TOP1MT: variants seen among roughly 807,000 people sequenced by gnomAD.
TOP1MT encodes the protein DNA topoisomerase I, mitochondrial.
TOP1MT carries 80 observed loss-of-function variants against 73.9 expected under a neutral mutation model. That is an observed-to-expected ratio of 1.08 (90% CI 0.90 to 1.30). The LOEUF (loss-of-function observed/expected upper bound fraction) is 1.30, where lower values mean the gene tolerates loss of function less well. TOP1MT is among the 50% of genes most tolerant of loss of function. The pLI is 0.00. For synonymous variants in TOP1MT, 338 were observed against 326.4 expected (o/e 1.04, Z -0.38); for missense variants, 815 against 808.0 (o/e 1.01, Z -0.10).
Position 143,316,049 on chromosome 8 carries a change from G to A in TOP1MT, c.1408C>T (p.Arg470Ter), listed in dbSNP as rs200038590. 4.3e-5 allele frequency: 69 copies of A among 1,614,174 alleles called. No homozygotes were observed. The highest frequency in any genetic ancestry group is 2.0e-4 in the Admixed American group (12 of 60,028). Residue 470 changes from arginine (R) to a stop codon, truncating the protein, a stop_gained, in exon 11 of 14, where the codon CGA becomes TGA. Coordinates refer to ENST00000329245, the MANE Select transcript of TOP1MT (RefSeq NM_052963.3). LOFTEE classifies it high-confidence loss of function. ...TTCTCGAACGTACTGGGGGTTGCTC[G>A]CTGATGGTTGCAGAGAATGGCCACG... is the stretch of plus-strand genomic sequence containing the variant. ...RVVAILCNHQ[R>*]ATPSTFEKSM... is the part of the protein sequence containing the mutation.
chr8:143,359,512 G>T, upstream of TOP1MT: 1 of 844,106 alleles, frequency 1.2e-6, no homozygotes, highest in Non-Finnish European at 1.4e-6. Flanking sequence ...CAAGCAGAAA[G>T]TCAGGAGCCA....
At chr8:143,340,668 G>C (rs1360146887) in intron 2 of TOP1MT, among the ~76,000 whole-genome samples, 2 of 152,192 alleles carry the variant, frequency 1.3e-5, no homozygotes, top group African/African-American at 4.8e-5. Context: ...GCCCCGTCCA[G>C]CTCACTCCCA....
chr8:143,321,090 G>T, intron 8 of TOP1MT, 111 bp downstream of exon 8: 3 of 1,148,048 alleles, frequency 2.6e-6, no homozygotes, highest in Non-Finnish European at 3.7e-6. Flanking sequence ...TCACCCAGCA[G>T]GCAGGACGTG....
At chr8:143,345,686 C>T (rs1444014749), upstream of TOP1MT, among the ~76,000 whole-genome samples, 6 of 152,216 alleles carry the variant, frequency 3.9e-5, no homozygotes, top group Non-Finnish European at 7.3e-5. Context: ...GAATACATTA[C>T]ATAGTACCAG....
chr8:143,309,541 C>T lies in TOP1MT; in HGVS notation c.1706G>A (p.Cys569Tyr), dbSNP rs555135691. ...YLDPRISIAW[C>Y]KRFRVPVEKI... Reference sequence around the variant, plus strand: ...CTCCACTGGCACCCTGAACCGCTTGCACCTGCGGGAGGCAGCATCAGCCCA... The same window carrying T: ...CTCCACTGGCACCCTGAACCGCTTGTACCTGCGGGAGGCAGCATCAGCCCA... The change falls in exon 14 of 14, where the codon TGC becomes TAC. Residue 569 changes from cysteine (C) to tyrosine (Y), a missense_variant and splice_region_variant. Around this residue, in one of 3 missense-constraint regions of TOP1MT, gnomAD observed 751 missense variants for 725.4 expected, o/e 1.04. Transcript: ENST00000329245. 1.5e-5 allele frequency: 25 copies of T among 1,613,724 alleles called. No individual in the cohort carries two copies. In the South Asian group the frequency reaches 2.7e-4, roughly 18 times the overall value.
chr8:143,359,341 G>A, upstream of TOP1MT: 1 of 985,524 alleles, frequency 1.0e-6, no homozygotes, highest in Non-Finnish European at 1.2e-6. Flanking sequence ...AGAAGAGAAG[G>A]GCAGGGAAAA....
rs527824195 is a variant in TOP1MT, at chr8:143,333,316, C to T, written c.122+1424G>A. 1.8e-4 allele frequency among the ~76,000 whole-genome samples: 27 copies of T among 152,216 alleles called. No individual in the cohort carries two copies. In the South Asian group the frequency reaches 2.5e-3, roughly 14 times the overall value. On this transcript the variant is annotated intron_variant, in intron 1 of 13. Transcript: ENST00000329245. The stretch of plus-strand genomic sequence containing the variant: ...TACAAAAATTAGCTAGGCGTGGTGG[C>T]GGGTGCCTGTAATCCCAGCTACTCA...
chr8:143,320,365 C>T (rs556282581), intron 8 of TOP1MT, among the ~76,000 whole-genome samples: 15 of 152,194 alleles, frequency 9.9e-5, no homozygotes, highest in African/African-American at 3.1e-4. Context: ...CTCCTGACCT[C>T]GTGATCCACC....
intron 7 of TOP1MT, among the ~76,000 whole-genome samples, chr8:143,322,046 CCA>C (rs1395205540): frequency 5.2e-5 from 5 of 95,324 alleles, no homozygotes; most frequent in South Asian, 5.2e-4. Flanking sequence ...CAGATGCATG[CCA>C]CACACACAGG....
Position 143,341,049 on chromosome 8 carries a change from G to A in TOP1MT, c.29+2171C>T, listed in dbSNP as rs775457341. On this transcript the variant is annotated intron_variant, in intron 2 of 5. Coordinates refer to the TOP1MT transcript ENST00000518007. The surrounding 1 kb of genome is among the most constrained non-coding windows in gnomAD (Gnocchi z 4.1). ...CTCTGTCTATCCCACTGCCCAGAGC[G>A]CGCTCCTCCCCAGCTCCCACGGCGG... 2.6e-5 allele frequency among the ~76,000 whole-genome samples: 4 copies of A among 151,944 alleles called. No homozygotes were observed. Among genetic ancestry groups the A allele is most frequent in the Non-Finnish European group, 4.4e-5 (3 of 68,004 alleles).
chr8:143,311,117 A>ATTTTTTTTTTTTTTTTTTTT (rs769172231), intron 12 of TOP1MT, among the ~76,000 whole-genome samples: 3 of 106,838 alleles, frequency 2.8e-5, no homozygotes, highest in African/African-American at 3.9e-5. Context: ...CACGCACATG[A>ATTTTTTTTTTTTTTTTTTTT]TTTTTTTTTT....
At chr8:143,315,647 T>C in intron 12 of TOP1MT, 80 bp downstream of exon 12, 1 of 1,058,882 alleles carries the variant, frequency 9.4e-7, no homozygotes, top group Non-Finnish European at 1.4e-6. Context: ...AAGGGTCGTC[T>C]CCCACCGACC....
chr8:143,322,879 AAC>A (rs1228693387), intron 7 of TOP1MT, among the ~76,000 whole-genome samples: 1 of 28,062 alleles, frequency 3.6e-5, no homozygotes, highest in Non-Finnish European at 5.6e-5. Context: ...ACACGCACGC[AAC>A]ACACGCACGC....
intron 6 of TOP1MT, 45 bp from the exon 7 acceptor site, chr8:143,324,187 TA>T (rs775234773): frequency 6.2e-7 from 1 of 1,605,452 alleles, no homozygotes; most frequent in Non-Finnish European, 8.5e-7. Context: ...ACATTCCTGT[TA>T]AATAACGGAG....
intron 8 of TOP1MT, among the ~76,000 whole-genome samples, chr8:143,318,633 C>A (rs1314339899): frequency 6.6e-6 from 1 of 152,182 alleles, no homozygotes; most frequent in Non-Finnish European, 1.5e-5. Context: ...AGGCACCCTC[C>A]CTGAGCGCTG....
intron 1 of TOP1MT, among the ~76,000 whole-genome samples, chr8:143,333,043 C>T (rs1480604952): frequency 6.6e-6 from 1 of 152,210 alleles, no homozygotes; most frequent in Non-Finnish European, 1.5e-5. Context: ...TAGGAGGCTG[C>T]ACCACTAAGT....
rs141145196 is a variant in TOP1MT at position 143,316,021 on chromosome 8, G to A, written c.1436C>T (p.Ser479Leu). ...QRATPSTFEK[S>L]MQNLQTKIQA... is the part of the protein sequence containing the mutation. ...TACCTTCGTCTGGAGATTCTGCATC[G>A]ACTTCTCGAACGTACTGGGGGTTGC... The change falls in exon 11 of 14, where the codon TCG becomes TTG. Residue 479 changes from serine (S) to leucine (L), a missense_variant. By Grantham distance (145) the Ser-to-Leu change is moderately radical (BLOSUM62 -2). Around this residue, in one of 3 missense-constraint regions of TOP1MT, gnomAD observed 751 missense variants for 725.4 expected, o/e 1.04. Transcript: ENST00000329245. The A allele has an allele frequency of 1.4e-4, 225 of 1,614,160 alleles. No individual in the cohort carries two copies. In the East Asian group the frequency reaches 3.6e-3, roughly 26 times the overall value.
chr8:143,330,230 GC>G (rs1055817443), intron 2 of TOP1MT, among the ~76,000 whole-genome samples: 8 of 152,170 alleles, frequency 5.3e-5, no homozygotes, highest in African/African-American at 1.9e-4. Context: ...GCCCCACTGG[GC>G]CCCACGCGAC....
At chr8:143,309,637 A>G in intron 13 of TOP1MT, 94 bp from the exon 14 acceptor site, 4 of 1,574,414 alleles carry the variant, frequency 2.5e-6, no homozygotes, top group Non-Finnish European at 3.4e-6. Flanking sequence ...TCCTCCATGC[A>G]GCAGAGACAC....
Sources: allele counts gnomAD v4.1 joint callset (sites outside exome capture counted in the v4.1 genomes callset), GRCh38; gene constraint gnomAD v4.1.1; regional missense constraint gnomAD v4.1.1; non-coding constraint Gnocchi (gnomAD v3.1); transcripts MANE v1.5; gene names NCBI Gene and HGNC (gene_info 2026-07-23, HGNC 2026-07-21).